The following FRAS1 variants were observed in gnomAD, a reference collection of about 807,000 sequenced individuals.
The protein encoded by FRAS1 is extracellular matrix organizing protein FRAS1.
FRAS1 carries 290 observed loss-of-function variants against 435.2 expected under a neutral mutation model. The ratio of observed to expected loss-of-function variants is 0.67; its 90% CI spans 0.61 to 0.73. The LOEUF (loss-of-function observed/expected upper bound fraction) is 0.73, where lower values mean the gene tolerates loss of function less well. Ranked by LOEUF, FRAS1 falls within the 30% of genes least tolerant of loss-of-function variation. The probability of loss-of-function intolerance (pLI) is 0.00; values close to 1 mark genes in which losing one functional copy is unlikely to be tolerated. For missense variants in FRAS1, 4,860 were observed against 5,001.5 expected (o/e 0.97, Z 0.85); for synonymous variants, 1,800 against 1,851.0 (o/e 0.97, Z 0.71).
chr4:78,370,381 G>A (rs11098160), intron 23 of FRAS1, among the ~76,000 whole-genome samples: 5 of 151,936 alleles, frequency 3.3e-5, no homozygotes, highest in Non-Finnish European at 7.4e-5. Context: ...AGTGTTGTTG[G>A]TTTTTTCTTA....
intron 14 of FRAS1, among the ~76,000 whole-genome samples, chr4:78,301,083 G>A (rs1207859825): frequency 6.6e-6 from 1 of 152,170 alleles, no homozygotes; most frequent in Non-Finnish European, 1.5e-5. Context: ...GGTTTGCAAG[G>A]CAGATATCCT....
intron 2 of FRAS1, among the ~76,000 whole-genome samples, chr4:78,130,577 GC>G (rs1719637243): frequency 6.6e-6 from 1 of 152,092 alleles, no homozygotes; most frequent in Non-Finnish European, 1.5e-5. Flanking sequence ...ACCTTCAAAA[GC>G]CGGTTCAACT....
rs769097438 is a variant in FRAS1, at chr4:78,429,116, G to A, written c.4733G>A (p.Ser1578Asn). The A allele has an allele frequency of 3.2e-6, 5 of 1,558,984 alleles. No individual in the cohort carries two copies. Among genetic ancestry groups the A allele is most frequent in the Admixed American group, 1.9e-5 (1 of 51,622 alleles). Residue 1578 changes from serine to asparagine, a missense_variant, in exon 36 of 74, where the codon AGT becomes AAT. Ser to Asn is a conservative substitution (Grantham distance 46, BLOSUM62 1). Transcript: ENST00000512123. ...HFTVSDGEHT[S>N]PEMVLTIHLL... ...TTAGTTTCAGATGGAGAACACACAAGTCCGGAGATGGTCCTCACCATTCAC... is the reference window on the plus strand; with the variant it reads ...TTAGTTTCAGATGGAGAACACACAAATCCGGAGATGGTCCTCACCATTCAC...
At chr4:78,518,263 C>A (rs144594238) in intron 66 of FRAS1, among the ~76,000 whole-genome samples, 2 of 151,718 alleles carry the variant, frequency 1.3e-5, no homozygotes, top group East Asian at 3.9e-4. Context: ...TAAAAAAAAA[C>A]TTTAGAAAAA....
chr4:78,450,222 T>C lies in FRAS1; in HGVS notation c.6346T>C (p.Tyr2116His), dbSNP rs1560735120. ...DIDSDDHQVM[Y>H]IMKEDPGAGR... The stretch of plus-strand genomic sequence containing the variant: ...TGACTCAGATGACCATCAGGTTATG[T>C]ACATCATGAAGGAAGATCCTGGTGC... The change falls in exon 45 of 74, where the codon TAC becomes CAC. Residue 2116 changes from tyrosine (Y) to histidine (H), a missense_variant. By Grantham distance (83) the Tyr-to-His change is moderately conservative. Transcript: ENST00000512123. The C allele has an allele frequency of 1.2e-6, 2 of 1,613,724 alleles. No homozygotes were observed. The highest frequency in any genetic ancestry group is 1.7e-6 in the Non-Finnish European group (2 of 1,179,678).
Position 78,324,825 on chromosome 4 carries a change from T to TGACTAG in FRAS1, c.2137+5843_2137+5844insAGGACT, listed in dbSNP as rs200768965. Among the ~76,000 whole-genome samples the TGACTAG allele has an allele frequency of 7.2e-3, 1,082 of 150,432 alleles. 38 individuals carry two copies. Among genetic ancestry groups the TGACTAG allele is most frequent in the East Asian group, 0.053 (270 of 5,132 alleles). On this transcript the variant is annotated intron_variant, in intron 18 of 73. Coordinates refer to ENST00000512123, the MANE Select transcript of FRAS1 (RefSeq NM_025074.7). ...TCGCCATTAAACAATTTGGCAGTGGTGACTGGGACTGGATATGAACATGGT... is the reference window on the plus strand; with the variant it reads ...TCGCCATTAAACAATTTGGCAGTGGTGACTAGGACTGGGACTGGATATGAACATGGT...
intron 10 of FRAS1, among the ~76,000 whole-genome samples, chr4:78,280,114 A>C (rs956147781): frequency 6.6e-6 from 1 of 152,184 alleles, no homozygotes; most frequent in African/African-American, 2.4e-5. Flanking sequence ...AACCTCACAT[A>C]ATTTTTTTCT....
At chr4:78,207,514 TTTC>T (rs886226539) in intron 2 of FRAS1, among the ~76,000 whole-genome samples, 4 of 152,176 alleles carry the variant, frequency 2.6e-5, no homozygotes, top group African/African-American at 4.8e-5. Context: ...TGATCTAAAA[TTTC>T]TTGTTTTTAA....
intron 54 of FRAS1, among the ~76,000 whole-genome samples, chr4:78,476,335 T>C (rs1719852083): frequency 6.6e-6 from 1 of 151,956 alleles, no homozygotes; most frequent in Non-Finnish European, 1.5e-5. Context: ...TAATTAAAGG[T>C]GGCAATGAGA....
At position 78,282,816 on chromosome 4, in the gene FRAS1, G is replaced by T. The variant is rs539559894; in HGVS notation, c.1108-4G>T. On this transcript the variant is annotated splice_region_variant and splice_polypyrimidine_tract_variant and intron_variant, in intron 11 of 73. Coordinates refer to ENST00000512123, the MANE Select transcript of FRAS1 (RefSeq NM_025074.7). ...ACAATGCTGTTCTTCACTTTTTTGCGTAGGAGGGAGAGAAGTGGGAAGATG... is the reference window on the plus strand; with the variant it reads ...ACAATGCTGTTCTTCACTTTTTTGCTTAGGAGGGAGAGAAGTGGGAAGATG... 1.2e-6 allele frequency: 2 copies of T among 1,612,654 alleles called. No individual in the cohort carries two copies. The highest frequency in any genetic ancestry group is 1.7e-6 in the Non-Finnish European group (2 of 1,179,538).
In FRAS1 at chr4:78,452,993, A is replaced by G. The variant is rs189554009; in HGVS notation, c.6763+639A>G. 1.8e-4 allele frequency among the ~76,000 whole-genome samples: 28 copies of G among 152,326 alleles called. No homozygotes were observed. In the East Asian group the frequency reaches 4.4e-3, roughly 24 times the overall value. On this transcript the variant is annotated intron_variant, in intron 47 of 73. Coordinates refer to ENST00000512123, the MANE Select transcript of FRAS1 (RefSeq NM_025074.7). The stretch of plus-strand genomic sequence containing the variant: ...TGCCCTTGGAAGGCAGAGTTTGGGT[A>G]TACAGAATTTGTATTCTTTCCAGAG...
chr4:78,328,015 A>G (rs1280344048), intron 18 of FRAS1, among the ~76,000 whole-genome samples: 1 of 152,210 alleles, frequency 6.6e-6, no homozygotes, highest in Non-Finnish European at 1.5e-5. Flanking sequence ...TTATCTAGTT[A>G]GTTCTTAAAC....
chr4:78,285,946 A>G (rs1398666471), intron 13 of FRAS1, among the ~76,000 whole-genome samples: 4 of 152,154 alleles, frequency 2.6e-5, no homozygotes, highest in African/African-American at 9.7e-5. Flanking sequence ...AACCTTTTTG[A>G]AAGTTACTTA....
intron 56 of FRAS1, among the ~76,000 whole-genome samples, chr4:78,480,563 T>C (rs1719983094): frequency 6.6e-6 from 1 of 152,156 alleles, no homozygotes; most frequent in South Asian, 2.1e-4. Context: ...AAGTGAAGTA[T>C]TTAGTGTACT....
chr4:78,087,910 A>G (rs1400871031), intron 2 of FRAS1, among the ~76,000 whole-genome samples: 4 of 152,208 alleles, frequency 2.6e-5, no homozygotes, highest in Admixed American at 6.5e-5. Context: ...TTCTTCACAG[A>G]ATTGGAAAAA....
chr4:78,535,893 C>T (rs563855644), intron 71 of FRAS1, among the ~76,000 whole-genome samples: 2 of 152,316 alleles, frequency 1.3e-5, no homozygotes, highest in East Asian at 3.9e-4. Context: ...AGAGCTTCTA[C>T]ACACCCTCCA....
At position 78,066,205 on chromosome 4, in the gene FRAS1, T is replaced by C. The variant is rs75582239; in HGVS notation, c.108+189T>C. On this transcript the variant is annotated intron_variant, in intron 2 of 73. Transcript: ENST00000512123. ...TACCTTTTCCAGAGTGAATTAGTTC[T>C]ATTCAGATACTCAGGTATTGGAAGA... Among the ~76,000 whole-genome samples, 1,574 of 152,314 alleles carry C rather than the reference T, an allele frequency of 0.01. 78 individuals are homozygous for C. The East Asian group carries it at 0.13, about 12-fold the overall frequency.
chr4:78,442,068 G>A (rs1186317430), intron 41 of FRAS1, among the ~76,000 whole-genome samples: 1 of 152,240 alleles, frequency 6.6e-6, no homozygotes, highest in Non-Finnish European at 1.5e-5. Flanking sequence ...AGCTCCCATG[G>A]AGAGTCCATT....
chr4:78,363,773 A>G, intron 21 of FRAS1, 108 bp downstream of exon 21: 1 of 1,415,470 alleles, frequency 7.1e-7, no homozygotes, highest in East Asian at 2.5e-5. Context: ...CAGGAAGTGT[A>G]AACCACTTCC....
Sources: gnomAD v4.1 joint callset for allele counts (sites outside exome capture counted in the v4.1 genomes callset) on GRCh38, gnomAD v4.1.1 for gene constraint, MANE v1.5 for transcripts, NCBI Gene and HGNC (gene_info 2026-07-23, HGNC 2026-07-21) for gene names.